Variants in POLE observed in about 807,000 individuals in gnomAD.
POLE encodes the protein DNA polymerase epsilon, catalytic subunit.
In POLE, 188 loss-of-function variants were observed where a neutral mutation model predicts 279.2. The observed-to-expected ratio is 0.67, with a 90% CI of 0.60 to 0.76. The LOEUF (loss-of-function observed/expected upper bound fraction) is 0.76, where lower values mean the gene tolerates loss of function less well. POLE is among the 30% of genes least tolerant of loss of function. The pLI is 0.00. For synonymous variants in POLE, 1,214 were observed against 1,172.5 expected (o/e 1.04, Z -0.72); for missense variants, 2,703 against 3,016.7 (o/e 0.90, Z 2.44).
rs778190944 is a variant in POLE at position 132,635,908 on chromosome 12, C to T, written c.5795G>A (p.Arg1932His). The stretch of plus-strand genomic sequence containing the variant: ...CTCGCTTACCAGTCCACAGTGAATA[C>T]GAGATGAAACTTTTCCTTTGATTCC... ...YGGIKGKVSS[R>H]IHCGLQDSQK... Residue 1932 changes from arginine (R) to histidine (H), a missense_variant, in exon 42 of 49, where the codon CGT becomes CAT. Coordinates refer to ENST00000320574, the MANE Select transcript of POLE (RefSeq NM_006231.4). The T allele has an allele frequency of 3.5e-5, 57 of 1,613,102 alleles. No homozygotes were observed. The highest frequency in any genetic ancestry group is 8.9e-5 in the East Asian group (4 of 44,862).
chr12:132,624,318 C>A lies in POLE; in HGVS notation c.*379G>T, dbSNP rs2041785544. Reference sequence around the variant, plus strand: ...CCAGAAGCCCCCAGGGGCTTTTCCTCCCTCTGGGAGGCAGGACAAAGAACT... The same window carrying A: ...CCAGAAGCCCCCAGGGGCTTTTCCTACCTCTGGGAGGCAGGACAAAGAACT... On this transcript the variant is annotated 3_prime_UTR_variant, in exon 49 of 49. Coordinates refer to ENST00000320574, the MANE Select transcript of POLE (RefSeq NM_006231.4). The A allele has an allele frequency of 3.3e-6, 1 of 302,180 alleles. No individual in the cohort carries two copies. The highest frequency in any genetic ancestry group is 6.9e-5 in the South Asian group (1 of 14,490). The allele number at this position is 302,180 out of a possible 1,614,324, so 18.7% of individuals were successfully genotyped here. A position where few individuals can be genotyped will look rare whatever the true frequency, so the allele number is the denominator to read the frequency against.
At chr12:132,645,794 A>G (rs1208650411) in intron 32 of POLE, among the ~76,000 whole-genome samples, 2 of 104,304 alleles carry the variant, frequency 1.9e-5, no homozygotes, top group African/African-American at 9.8e-5. Context: ...CGACACACAC[A>G]CACACCCACA....
intron 20 of POLE, 33 bp downstream of exon 20, chr12:132,667,470 A>T (rs2135968814): frequency 6.2e-7 from 1 of 1,608,422 alleles, no homozygotes; most frequent in Non-Finnish European, 8.5e-7. Context: ...CTGCCCTCAC[A>T]GAGGCCAAAG....
chr12:132,636,481 C>A (rs1221125275), intron 41 of POLE, among the ~76,000 whole-genome samples: 2 of 149,328 alleles, frequency 1.3e-5, no homozygotes, highest in Non-Finnish European at 3.0e-5. Context: ...ACAGGCCAGG[C>A]ACGGTGGCTC....
chr12:132,666,704 T>C (rs1469909816), intron 20 of POLE, among the ~76,000 whole-genome samples: 1 of 148,136 alleles, frequency 6.8e-6, no homozygotes, highest in Admixed American at 6.8e-5. Flanking sequence ...ATGGGGTCAC[T>C]AGGGGCCAGG....
Position 132,639,004 on chromosome 12 carries a change from C to T in POLE, c.5552+121G>A. 1.2e-6 allele frequency: 1 copy of T among 864,124 alleles called. No homozygotes were observed. The highest frequency in any genetic ancestry group is 1.9e-6 in the Non-Finnish European group (1 of 538,414). The allele number at this position is 864,124 out of a possible 1,614,324, so 53.5% of individuals were successfully genotyped here. A position where few individuals can be genotyped will look rare whatever the true frequency, so the allele number is the denominator to read the frequency against. ...GGATCCTTTGGATTGTTATGCTCCA[C>T]AAACTCAGAAATACACTACTTATCC... On this transcript the variant is annotated intron_variant, in intron 40 of 48. Coordinates refer to ENST00000320574, the MANE Select transcript of POLE (RefSeq NM_006231.4). The surrounding 1 kb of genome is among the most constrained non-coding windows in gnomAD (Gnocchi z 4.7).
At chr12:132,633,656 A>G (rs2041978278) in intron 43 of POLE, 1 of 152,686 alleles carries the variant, frequency 6.5e-6, no homozygotes, top group Admixed American at 6.5e-5. Context: ...GTCAACTACA[A>G]ACAGTGCTTC....
At position 132,648,964 on chromosome 12, in the gene POLE, C is replaced by T. The variant is rs752606831; in HGVS notation, c.4114G>A (p.Val1372Ile). ...GAAGCACCCTCCTCCGCTTTAGCGA[C>T]TCGCTGGTTCACGTAGAACACACGG... ...IPRVFYVNQR[V>I]AKAEEGASYR... Residue 1372 changes from valine to isoleucine, a missense_variant, in exon 32 of 49, where the codon GTC (valine) becomes ATC (isoleucine). Around this residue, in one of 5 missense-constraint regions of POLE, gnomAD observed 1,551 missense variants for 1,686.1 expected, o/e 0.92. Transcript: ENST00000320574. The T allele has an allele frequency of 1.2e-5, 19 of 1,613,940 alleles. No individual in the cohort carries two copies. The highest frequency in any genetic ancestry group is 1.6e-5 in the Non-Finnish European group (19 of 1,179,950).
chr12:132,633,834 G>GCA, intron 43 of POLE: 1 of 199,644 alleles, frequency 5.0e-6, no homozygotes, highest in Non-Finnish European at 1.0e-5. Flanking sequence ...TACTGAACGT[G>GCA]CACACACACA....
At chr12:132,635,803 C>A (rs2138483211) in intron 42 of POLE, 89 bp downstream of exon 42, 1 of 1,418,938 alleles carries the variant, frequency 7.0e-7, no homozygotes, top group Non-Finnish European at 9.6e-7. Context: ...CACGGCCAGG[C>A]CCGCCGGGGC....
intron 16 of POLE, 65 bp from the exon 17 acceptor site, chr12:132,669,004 C>A: frequency 6.5e-7 from 1 of 1,534,064 alleles, no homozygotes. Flanking sequence ...AGTTCACCAA[C>A]CCCTTTTAGA....
chr12:132,672,390 C>A (rs1355944496), intron 15 of POLE, 68 bp from the exon 16 acceptor site: 2 of 1,337,160 alleles, frequency 1.5e-6, no homozygotes, highest in African/African-American at 1.4e-5. Context: ...TCAGGTTTGA[C>A]GCTGTGGCTG....
intron 23 of POLE, 115 bp downstream of exon 23, chr12:132,663,889 G>C: frequency 9.6e-7 from 1 of 1,042,760 alleles, no homozygotes; most frequent in Non-Finnish European, 1.4e-6. Flanking sequence ...AAAGCAATGT[G>C]AGCAGTGCTG....
chr12:132,643,407 C>T lies in POLE; in HGVS notation c.4444G>A (p.Gly1482Arg), dbSNP rs759703428. 6.2e-7 allele frequency: 1 copy of T among 1,614,250 alleles called. No individual in the cohort carries two copies. Among genetic ancestry groups the T allele is most frequent in the Non-Finnish European group, 8.5e-7 (1 of 1,180,042 alleles). ...GATGGGCGGCTGGTGCAGGCCATAC[C>T]TGGTTCCAGGTAGCTGAACTGGGCC... ...SLAQFSYLEPGSIRHIYLYHH... is the reference protein window; with the variant it reads ...SLAQFSYLEPRSIRHIYLYHH... The change falls in exon 34 of 49, where the codon GGG becomes AGG. Residue 1482 changes from glycine (G) to arginine (R), a missense_variant and splice_region_variant. Gly to Arg is a moderately radical substitution (Grantham distance 125). Coordinates refer to ENST00000320574, the MANE Select transcript of POLE (RefSeq NM_006231.4).
Position 132,624,936 on chromosome 12 carries a change from G to A in POLE, c.6716C>T (p.Ala2239Val), listed in dbSNP as rs190813054. The A allele has an allele frequency of 4.6e-5, 74 of 1,614,066 alleles. No homozygotes were observed. The highest frequency in any genetic ancestry group is 3.8e-4 in the East Asian group (17 of 44,888). Reference sequence around the variant, plus strand: ...GTGGATGGTGAGGGCGAAGTCTCCCGCGCAGCTGCAGTACACAGGCATGCT... The same window carrying A: ...GTGGATGGTGAGGGCGAAGTCTCCCACGCAGCTGCAGTACACAGGCATGCT... ...ETSMPVYCSC[A>V]GDFALTIHTQ... The change falls in exon 48 of 49, where the codon GCG (alanine) becomes GTG (valine). Residue 2239 changes from alanine to valine, a missense_variant. This residue lies in a region of POLE where 1,551 missense variants were observed against 1,686.1 expected (regional missense o/e 0.92). Coordinates refer to ENST00000320574, the MANE Select transcript of POLE (RefSeq NM_006231.4).
At chr12:132,660,227 G>C (rs2042648701) in intron 25 of POLE, 2 of 153,620 alleles carry the variant, frequency 1.3e-5, no homozygotes, top group Non-Finnish European at 2.9e-5. Flanking sequence ...TCCAGCTGGA[G>C]CTGTGCTTTG....
Position 132,624,681 on chromosome 12 carries a change from C to G in POLE, c.*16G>C. The G allele has an allele frequency of 6.5e-7, 1 of 1,535,620 alleles. No homozygotes were observed. The highest frequency in any genetic ancestry group is 1.1e-5 in the South Asian group (1 of 89,468). Reference sequence around the variant, plus strand: ...GGCCTGGCACGGACGCAGAGGCACCCGGGGCCCGGGGCTGGCTAATGGCCC... The same window carrying G: ...GGCCTGGCACGGACGCAGAGGCACCGGGGGCCCGGGGCTGGCTAATGGCCC... On this transcript the variant is annotated 3_prime_UTR_variant, in exon 49 of 49. Transcript: ENST00000320574.
intron 32 of POLE, among the ~76,000 whole-genome samples, chr12:132,647,993 A>C (rs2042325192): frequency 1.3e-5 from 2 of 152,264 alleles, no homozygotes; most frequent in Middle Eastern, 3.4e-3. Flanking sequence ...GTGTAGGTAC[A>C]AATATGCACA....
rs2043144940 is a variant in POLE at position 132,680,575 on chromosome 12, T to C, written c.285+32A>G. 4 of 1,544,364 alleles carry C rather than the reference T, an allele frequency of 2.6e-6. 1 individual carries two copies. The Admixed American group carries it at 5.0e-5, about 19-fold the overall frequency. ...AGAGCTACATGAACACCCATAAAAG[T>C]GGGTTTTAGCTTGTCGCAGTCAGGG... is the stretch of plus-strand genomic sequence containing the variant. On this transcript the variant is annotated intron_variant, in intron 3 of 48. Coordinates refer to ENST00000320574, the MANE Select transcript of POLE (RefSeq NM_006231.4).
Sources: gnomAD v4.1 joint callset for allele counts (sites outside exome capture counted in the v4.1 genomes callset) on GRCh38, gnomAD v4.1.1 for gene constraint, gnomAD v4.1.1 regional missense constraint, Gnocchi (gnomAD v3.1) non-coding constraint, MANE v1.5 for transcripts, NCBI Gene and HGNC (gene_info 2026-07-23, HGNC 2026-07-21) for gene names.